The following UPP2 variants were observed in gnomAD, a reference collection of about 807,000 sequenced individuals.
UPP2 encodes the protein uridine phosphorylase 2, also known as UPase 2.
Under a neutral mutation model 26.7 loss-of-function variants are expected in UPP2, and 23 were observed. The observed-to-expected ratio is 0.86, with a 90% CI of 0.62 to 1.22. UPP2 has a LOEUF of 1.22. UPP2 is among the 50% of genes most tolerant of loss of function. The pLI, the probability that UPP2 is intolerant of heterozygous loss-of-function variation, is 0.00. For synonymous variants in UPP2, 127 were observed against 141.3 expected (o/e 0.90, Z 0.72); for missense variants, 387 against 396.7 (o/e 0.98, Z 0.21).
At chr2:158,069,999 A>AC (rs1218130723) in intron 3 of UPP2, among the ~76,000 whole-genome samples, 21 of 151,164 alleles carry the variant, frequency 1.4e-4, no homozygotes, top group African/African-American at 5.1e-4. Context: ...TGACCTAATC[A>AC]CCCCCCAAAG....
chr2:158,038,542 TA>T (rs1281167307), intron 3 of UPP2, among the ~76,000 whole-genome samples: 1 of 152,270 alleles, frequency 6.6e-6, no homozygotes, highest in African/African-American at 2.4e-5. Flanking sequence ...AGACAGCTAA[TA>T]TTTTTTTCCA....
In UPP2 at chr2:158,106,218, TA is replaced by T; in HGVS notation, c.180+7del. On this transcript the variant is annotated splice_donor_region_variant and intron_variant, in intron 2 of 6. Coordinates refer to ENST00000005756, the MANE Select transcript of UPP2 (RefSeq NM_173355.4). The stretch of plus-strand genomic sequence containing the variant: ...CCAGCAATGTTTGGAGATGTAAAGG[TA>T]AAAACATTTCTAATTTCAGGAAAAA... 1 of 1,597,146 alleles carries T rather than the reference TA, an allele frequency of 6.3e-7. No individual in the cohort carries two copies. The highest frequency in any genetic ancestry group is 8.5e-7 in the Non-Finnish European group (1 of 1,174,478).
intron 3 of UPP2, among the ~76,000 whole-genome samples, chr2:158,057,698 AT>A (rs1195163627): frequency 6.6e-6 from 1 of 150,642 alleles, no homozygotes; most frequent in Non-Finnish European, 1.5e-5. Context: ...TTTTAACCTA[AT>A]TTTTATTATT....
At chr2:158,004,504 A>G (rs1420776308) in intron 2 of UPP2, among the ~76,000 whole-genome samples, 1 of 152,206 alleles carries the variant, frequency 6.6e-6, no homozygotes, top group African/African-American at 2.4e-5. Context: ...GCAGCTGTCA[A>G]ACTTCATTGC....
intron 6 of UPP2, 123 bp downstream of exon 6, chr2:158,124,018 T>C: frequency 3.9e-6 from 4 of 1,027,636 alleles, no homozygotes; most frequent in Non-Finnish European, 5.6e-6. Flanking sequence ...GACTTATAAT[T>C]GTATATAATA....
At chr2:158,091,406 T>C (rs898007253) in intron 3 of UPP2, among the ~76,000 whole-genome samples, 2 of 152,180 alleles carry the variant, frequency 1.3e-5, no homozygotes, top group Non-Finnish European at 2.9e-5. Flanking sequence ...AATGATTACA[T>C]AGACAAAAGA....
chr2:158,033,258 G>T (rs1306721771), intron 3 of UPP2, among the ~76,000 whole-genome samples: 7 of 152,158 alleles, frequency 4.6e-5, no homozygotes, highest in Non-Finnish European at 1.0e-4. Context: ...CTGTGTTCCT[G>T]TATAGGGAAG....
chr2:158,037,100 T>C (rs182614636), intron 3 of UPP2, among the ~76,000 whole-genome samples: 58 of 152,104 alleles, frequency 3.8e-4, no homozygotes, highest in Admixed American at 9.8e-4. Flanking sequence ...CTTGGCTGGG[T>C]GTGGTGGCTC....
intron 3 of UPP2, among the ~76,000 whole-genome samples, chr2:158,019,652 ACAC>A (rs1683717331): frequency 7.8e-6 from 1 of 127,454 alleles, no homozygotes; most frequent in African/African-American, 4.9e-5. Context: ...ACACACACAC[ACAC>A]ACACACACAC....
At chr2:158,015,968 A>T (rs776007884) in intron 3 of UPP2, 1 of 332,178 alleles carries the variant, frequency 3.0e-6, no homozygotes, top group Non-Finnish European at 6.0e-6. Flanking sequence ...GGACTAACGC[A>T]TATACCCAGA....
chr2:158,085,924 T>C (rs1236105690), intron 3 of UPP2, among the ~76,000 whole-genome samples: 3 of 152,158 alleles, frequency 2.0e-5, no homozygotes, highest in Non-Finnish European at 4.4e-5. Context: ...TTGAGGATTT[T>C]TGTATCTTTG....
At chr2:158,040,346 A>G (rs1446612124) in intron 3 of UPP2, among the ~76,000 whole-genome samples, 1 of 152,218 alleles carries the variant, frequency 6.6e-6, no homozygotes, top group Non-Finnish European at 1.5e-5. Flanking sequence ...TTCTGGATAG[A>G]TATCTAGATT....
intron 5 of UPP2, 102 bp from the exon 6 acceptor site, chr2:158,123,647 T>TC: frequency 5.8e-6 from 8 of 1,368,894 alleles, no homozygotes; most frequent in South Asian, 1.4e-5. Context: ...CGCTGTAGAG[T>TC]TAGACAGCGG....
chr2:158,119,697 A>G (rs893958748), intron 4 of UPP2, among the ~76,000 whole-genome samples: 3 of 151,998 alleles, frequency 2.0e-5, no homozygotes, highest in Non-Finnish European at 2.9e-5. Context: ...CAATTCAAGG[A>G]GCCACTTACT....
Position 158,001,895 on chromosome 2 carries a change from T to G in UPP2, c.61+6636T>G, listed in dbSNP as rs2105462831. The stretch of plus-strand genomic sequence containing the variant: ...TCTTTAGTTGTATCCCATGATTGGA[T>G]CTTAGATCAAGCCATTCCTTGAAGC... On this transcript the variant is annotated intron_variant, in intron 2 of 9. Coordinates refer to the UPP2 transcript ENST00000605860. Among the ~76,000 whole-genome samples the G allele has an allele frequency of 2.0e-5, 3 of 148,638 alleles. No individual in the cohort carries two copies. The Middle Eastern group carries it at 0.01, about 509-fold the overall frequency.
intron 2 of UPP2, among the ~76,000 whole-genome samples, chr2:158,007,986 A>T (rs1683519105): frequency 1.3e-5 from 2 of 152,234 alleles, no homozygotes; most frequent in South Asian, 4.1e-4. Flanking sequence ...ATTAAAATAA[A>T]AGCAATCAAT....
At chr2:158,100,643 G>A (rs746936107), upstream of UPP2, among the ~76,000 whole-genome samples, 61 of 152,316 alleles carry the variant, frequency 4.0e-4, no homozygotes, top group Non-Finnish European at 6.8e-4. Context: ...ATGTATACAA[G>A]CTATCAACAA....
At chr2:158,115,359 C>T in intron 3 of UPP2, 100 bp downstream of exon 3, 1 of 1,392,816 alleles carries the variant, frequency 7.2e-7, no homozygotes, top group East Asian at 2.4e-5. Flanking sequence ...GCTTCGCATT[C>T]TTACACAATC....
At chr2:158,103,430 G>T (rs182066999) in intron 1 of UPP2, among the ~76,000 whole-genome samples, 1 of 152,262 alleles carries the variant, frequency 6.6e-6, no homozygotes, top group African/African-American at 2.4e-5. Flanking sequence ...CAAAGCCCAG[G>T]TCTCCTTGAC....
Sources: gnomAD v4.1 joint callset for allele counts (sites outside exome capture counted in the v4.1 genomes callset) on GRCh38, gnomAD v4.1.1 for gene constraint, MANE v1.5 for transcripts, NCBI Gene and HGNC (gene_info 2026-07-23, HGNC 2026-07-21) for gene names.